SPECC1: variants seen among roughly 807,000 people sequenced by gnomAD.
SPECC1 encodes sperm antigen with calponin homology and coiled-coil domains 1.
Under a neutral mutation model 104.1 loss-of-function variants are expected in SPECC1, and 62 were observed. The ratio of observed to expected loss-of-function variants is 0.60; its 90% CI spans 0.49 to 0.74. The LOEUF is 0.74. Ranked by LOEUF, SPECC1 falls within the 30% of genes least tolerant of loss-of-function variation. The pLI is 0.00. For missense variants in SPECC1, 1,306 were observed against 1,310.5 expected (o/e 1.00, Z 0.05); for synonymous variants, 513 against 501.6 (o/e 1.02, Z -0.30).
At chr17:20,016,629 G>T (rs2152428584) in intron 1 of SPECC1, among the ~76,000 whole-genome samples, 1 of 152,346 alleles carries the variant, frequency 6.6e-6, no homozygotes, top group South Asian at 2.1e-4. Context: ...CAGCTGCTGT[G>T]CCCGATTTCT....
intron 1 of SPECC1, among the ~76,000 whole-genome samples, chr17:20,018,753 C>T (rs1372531677): frequency 1.3e-5 from 2 of 152,210 alleles, no homozygotes; most frequent in Admixed American, 6.5e-5. Flanking sequence ...TTCCAAGCAT[C>T]CTCTCCCAGT....
intron 7 of SPECC1, among the ~76,000 whole-genome samples, chr17:20,241,608 C>T (rs1235682211): frequency 6.6e-6 from 1 of 152,150 alleles, no homozygotes; most frequent in African/African-American, 2.4e-5. Flanking sequence ...CAATGATACT[C>T]GACTACAGGA....
intron 3 of SPECC1, among the ~76,000 whole-genome samples, chr17:20,157,838 G>A (rs1296648939): frequency 6.6e-6 from 1 of 152,178 alleles, no homozygotes; most frequent in African/African-American, 2.4e-5. Flanking sequence ...CGGATTTAGG[G>A]CATTTTTAAG....
At chr17:20,028,442 C>T (rs189657620) in intron 1 of SPECC1, among the ~76,000 whole-genome samples, 1 of 151,054 alleles carries the variant, frequency 6.6e-6, no homozygotes, top group Admixed American at 6.6e-5. Flanking sequence ...GAAGACCAGC[C>T]TGGGCAACAT....
At chr17:20,210,662 G>A (rs2703811) in intron 4 of SPECC1, among the ~76,000 whole-genome samples, 115,887 of 152,174 alleles carry the variant, frequency 0.76, 45,355 homozygotes, top group East Asian at 0.99. Context: ...TTTGGTGGGG[G>A]ATGGGCACTT....
chr17:20,078,218 G>A (rs1037351719), intron 1 of SPECC1, among the ~76,000 whole-genome samples: 2 of 151,006 alleles, frequency 1.3e-5, no homozygotes, highest in African/African-American at 2.4e-5. Context: ...AGAATGACAC[G>A]TTTGAGTTGC....
chr17:20,211,965 A>T (rs773824193), intron 4 of SPECC1, among the ~76,000 whole-genome samples: 1 of 152,178 alleles, frequency 6.6e-6, no homozygotes, highest in Non-Finnish European at 1.5e-5. Flanking sequence ...TTCTCTCTCC[A>T]GTCCGAGTTC....
At chr17:20,148,427 T>C (rs1721269409) in intron 3 of SPECC1, among the ~76,000 whole-genome samples, 1 of 151,818 alleles carries the variant, frequency 6.6e-6, no homozygotes, top group Admixed American at 6.6e-5. Flanking sequence ...TTTCTAGAGA[T>C]AGGGTCTTGT....
chr17:20,069,850 CAT>C (rs1273209315), intron 1 of SPECC1, among the ~76,000 whole-genome samples: 8 of 151,912 alleles, frequency 5.3e-5, no homozygotes, highest in African/African-American at 7.2e-5. Context: ...TATAGTTAAA[CAT>C]AAATATTTTA....
chr17:20,168,642 T>A (rs1465926869), intron 3 of SPECC1, among the ~76,000 whole-genome samples: 1 of 152,196 alleles, frequency 6.6e-6, no homozygotes. Context: ...AAATTAGCAT[T>A]ATTTGTAGAT....
intron 13 of SPECC1, 44 bp downstream of exon 13, chr17:20,297,121 A>G (rs764803712): frequency 1.3e-6 from 2 of 1,555,130 alleles, no homozygotes; most frequent in Non-Finnish European, 1.8e-6. Context: ...TAAGAAATGC[A>G]GGAGTCCTAA....
chr17:20,122,357 C>G (rs1191551224), intron 3 of SPECC1, among the ~76,000 whole-genome samples: 1 of 152,110 alleles, frequency 6.6e-6, no homozygotes, highest in Non-Finnish European at 1.5e-5. Context: ...AGCTTGGAGG[C>G]TAGGGCTGTG....
intron 3 of SPECC1, among the ~76,000 whole-genome samples, chr17:20,171,112 C>T (rs2034055698): frequency 6.6e-6 from 1 of 152,164 alleles, no homozygotes; most frequent in South Asian, 2.1e-4. Flanking sequence ...GCCTCTTTTG[C>T]TCTCCCCTCA....
chr17:20,032,955 T>C (rs1461358267), intron 1 of SPECC1, among the ~76,000 whole-genome samples: 81 of 145,372 alleles, frequency 5.6e-4, no homozygotes, highest in East Asian at 1.8e-3. Flanking sequence ...CACACACACA[T>C]ATATATATGT....
chr17:20,272,598 C>T (rs1318539419), intron 12 of SPECC1, among the ~76,000 whole-genome samples: 1 of 152,170 alleles, frequency 6.6e-6, no homozygotes, highest in African/African-American at 2.4e-5. Flanking sequence ...TGAATTTAAC[C>T]ACTTTAGGTA....
intron 3 of SPECC1, among the ~76,000 whole-genome samples, chr17:20,129,379 G>A (rs2049486805): frequency 6.6e-6 from 1 of 151,370 alleles, no homozygotes; most frequent in Admixed American, 6.6e-5. Context: ...GTAGAGACGG[G>A]GTTTTACCCC....
chr17:20,091,085 C>T (rs971169761), intron 1 of SPECC1, among the ~76,000 whole-genome samples: 1 of 152,058 alleles, frequency 6.6e-6, no homozygotes, highest in African/African-American at 2.4e-5. Context: ...TTGTTTTTAT[C>T]ACTTCTTTTT....
chr17:20,064,257 C>CAGA (rs923963514), intron 1 of SPECC1, among the ~76,000 whole-genome samples: 1 of 152,202 alleles, frequency 6.6e-6, no homozygotes, highest in African/African-American at 2.4e-5. Flanking sequence ...ATTGCACATC[C>CAGA]AGAACCCTGA....
intron 3 of SPECC1, among the ~76,000 whole-genome samples, chr17:20,174,254 T>TA (rs1336709418): frequency 1.3e-5 from 2 of 151,974 alleles, no homozygotes; most frequent in African/African-American, 2.4e-5. Flanking sequence ...GACCCCTGTT[T>TA]AAAAAAAGAA....
Sources: gnomAD v4.1 joint callset for allele counts (sites outside exome capture counted in the v4.1 genomes callset) on GRCh38, gnomAD v4.1.1 for gene constraint, MANE v1.5 for transcripts, NCBI Gene and HGNC (gene_info 2026-07-23, HGNC 2026-07-21) for gene names.